CYP17A1: variants seen among roughly 807,000 people sequenced by gnomAD.
CYP17A1 encodes steroid 17-alpha-hydroxylase/17,20 lyase.
A neutral mutation model predicts 38.5 loss-of-function variants in CYP17A1; 27 were observed. That is an observed-to-expected ratio of 0.70 (90% CI 0.52 to 0.97). The LOEUF (loss-of-function observed/expected upper bound fraction) is 0.97, where lower values mean the gene tolerates loss of function less well. Among genes scored for constraint, CYP17A1 ranks in the 50% least tolerant of loss-of-function variants. The pLI is 0.00. For synonymous variants in CYP17A1, 263 were observed against 253.3 expected, an observed-to-expected ratio of 1.04 and a Z score of -0.36; for missense variants, 549 against 645.9, an observed-to-expected ratio of 0.85 and a Z score of 1.63.
chr10:102,831,918 G>C (rs1036961603), intron 6 of CYP17A1, among the ~76,000 whole-genome samples: 1 of 152,122 alleles, frequency 6.6e-6, no homozygotes, highest in African/African-American at 2.4e-5. Context: ...TTGGAACATG[G>C]AGCTCCCAGC....
chr10:102,834,938 G>A lies in CYP17A1; in HGVS notation c.513C>T (p.Val171=). 1 of 1,613,494 alleles carries A rather than the reference G, an allele frequency of 6.2e-7. No individual in the cohort carries two copies. The highest frequency in any genetic ancestry group is 1.3e-5 in the African/African-American group (1 of 75,022). Residue 171 remains valine, a synonymous_variant, in exon 3 of 8, where the codon GTC becomes GTT. Transcript: ENST00000369887. ...AGATGACATTGGTTACCGCCACGAAGACAGGAAAGGAGATGTCTATGGACT... is the reference window on the plus strand; with the variant it reads ...AGATGACATTGGTTACCGCCACGAAAACAGGAAAGGAGATGTCTATGGACT... The part of the protein sequence containing the change: ...NGQSIDISFP[V]FVAVTNVISL...
chr10:102,831,223 G>A (rs1343367376), intron 7 of CYP17A1, among the ~76,000 whole-genome samples: 2 of 152,248 alleles, frequency 1.3e-5, no homozygotes, highest in East Asian at 1.9e-4. Flanking sequence ...ATTAACCTAT[G>A]AAAATAGCAC....
chr10:102,832,656 TCTC>T lies in CYP17A1; in HGVS notation c.991_993del (p.Glu331del), dbSNP rs759060233. ...CGGCTGAAACCCACATTCTGGTCAA[TCTC>T]CTCGTAGAGCTTCTTCTTCACCTGA... On this transcript the variant is annotated inframe_deletion, in exon 6 of 8. Transcript: ENST00000369887. 3.1e-6 allele frequency: 5 copies of T among 1,608,076 alleles called. No individual in the cohort carries two copies. Among genetic ancestry groups the T allele is most frequent in the Non-Finnish European group, 4.3e-6 (5 of 1,174,488 alleles).
At chr10:102,833,252 C>T (rs999069505) in intron 4 of CYP17A1, 44 bp from the exon 5 acceptor site, 13 of 1,613,274 alleles carry the variant, frequency 8.1e-6, no homozygotes, top group East Asian at 2.2e-5. Flanking sequence ...GAAGGAGCCC[C>T]ATCTGTGACA....
At chr10:102,833,279 G>C in intron 4 of CYP17A1, 71 bp from the exon 5 acceptor site, 1 of 1,611,332 alleles carries the variant, frequency 6.2e-7, no homozygotes, top group Non-Finnish European at 8.5e-7. Context: ...CCATACTTCT[G>C]TCCCTGACTA....
chr10:102,834,188 T>C (rs1844128097), intron 3 of CYP17A1, 66 bp from the exon 4 acceptor site: 1 of 807,806 alleles, frequency 1.2e-6, no homozygotes, highest in African/African-American at 1.7e-5. Flanking sequence ...TGCCAGAGTC[T>C]CTCCTGGAGG....
At chr10:102,831,743 TC>T (rs1472903072) in intron 6 of CYP17A1, 132 bp from the exon 7 acceptor site, 5 of 1,493,604 alleles carry the variant, frequency 3.3e-6, no homozygotes, top group African/African-American at 2.8e-5. Flanking sequence ...ACTCATGTTT[TC>T]CTCAGCTTCT....
In CYP17A1 at chr10:102,833,850, C is replaced by G. The variant is rs866144857; in HGVS notation, c.753+186G>C. 5.4e-6 allele frequency: 3 copies of G among 556,590 alleles called. No homozygotes were observed. The Admixed American group carries it at 9.3e-5, about 17-fold the overall frequency. The allele number at this position is 556,590 out of a possible 1,614,324, so 34.5% of individuals were successfully genotyped here. ...CAATTGATCTGCCCACCTCGGCCTC[C>G]CAAAGTGTTGGGATTACAGGCGTGA... On this transcript the variant is annotated intron_variant, in intron 4 of 7. Coordinates refer to ENST00000369887, the MANE Select transcript of CYP17A1 (RefSeq NM_000102.4).
rs45528237 is a variant in CYP17A1, at chr10:102,831,166, C to T, written c.1244-181G>A. On this transcript the variant is annotated intron_variant, in intron 7 of 7. Transcript: ENST00000369887. ...AGCCCTGCTTTCAGGTAGCCCTTAA[C>T]GACACAGAGGAAATGAAATATTCAG... is the stretch of plus-strand genomic sequence containing the variant. Among the ~76,000 whole-genome samples the T allele has an allele frequency of 7.8e-3, 1,167 of 149,062 alleles. 16 individuals carry two copies. Among genetic ancestry groups the T allele is most frequent in the African/African-American group, 0.027 (1,114 of 40,826 alleles).
chr10:102,837,226 G>A lies in CYP17A1; in HGVS notation c.136C>T (p.His46Tyr), dbSNP rs894320518. The A allele has an allele frequency of 6.2e-6, 10 of 1,607,780 alleles. No individual in the cohort carries two copies. Among genetic ancestry groups the A allele is most frequent in the Non-Finnish European group, 8.5e-6 (10 of 1,174,354 alleles). ...AAGAAGTTGTTATGCATATGGCCGTGTCTGGGGAGGAATGGCAGGCTGCCC... is the reference window on the plus strand; with the variant it reads ...AAGAAGTTGTTATGCATATGGCCGTATCTGGGGAGGAATGGCAGGCTGCCC... ...LVGSLPFLPR[H>Y]GHMHNNFFKL... Residue 46 changes from histidine to tyrosine, a missense_variant, in exon 1 of 8, where the codon CAC becomes TAC. Around this residue, in one of 3 missense-constraint regions of CYP17A1, gnomAD observed 289 missense variants for 320.9 expected, o/e 0.90. Coordinates refer to ENST00000369887, the MANE Select transcript of CYP17A1 (RefSeq NM_000102.4).
chr10:102,831,666 GC>G, intron 6 of CYP17A1, 55 bp from the exon 7 acceptor site: 1 of 1,605,308 alleles, frequency 6.2e-7, no homozygotes, highest in African/African-American at 1.3e-5. Context: ...TCCCTTCCTT[GC>G]TCAGCCTCAT....
chr10:102,831,374 G>A (rs868677153), intron 7 of CYP17A1, 134 bp downstream of exon 7: 3 of 1,413,348 alleles, frequency 2.1e-6, no homozygotes, highest in Middle Eastern at 4.6e-4. Flanking sequence ...CAGGATGAGG[G>A]TGTCAACAGG....
intron 2 of CYP17A1, 42 bp from the exon 3 acceptor site, chr10:102,835,056 C>T (rs373613340): frequency 1.6e-6 from 2 of 1,275,062 alleles, no homozygotes; most frequent in Middle Eastern, 1.9e-4. Context: ...TGAATCAGCA[C>T]CCTTACCCCC....
In CYP17A1 at chr10:102,830,534, T is replaced by C. The variant is rs1844072559; in HGVS notation, c.*168A>G. 1 of 599,144 alleles carries C rather than the reference T, an allele frequency of 1.7e-6. No homozygotes were observed. Among genetic ancestry groups the C allele is most frequent in the African/African-American group, 1.9e-5 (1 of 53,178 alleles). The allele number at this position is 599,144 out of a possible 1,614,324, so 37.1% of individuals were successfully genotyped here. A position where few individuals can be genotyped will look rare whatever the true frequency, so the allele number is the denominator to read the frequency against. ...ATAAATGAACTACTCAGGGACCTTA[T>C]GGAAAAAAAAAAACTGTTTATGCAC... is the stretch of plus-strand genomic sequence containing the variant. On this transcript the variant is annotated 3_prime_UTR_variant, in exon 8 of 8. Transcript: ENST00000369887. The surrounding 1 kb of genome is among the most constrained non-coding windows in gnomAD (Gnocchi z 4.1).
Position 102,833,005 on chromosome 10 carries a change from C to T in CYP17A1, c.957G>A (p.Leu319=). Residue 319 remains leucine, a synonymous_variant, in exon 5 of 8, where the codon CTG becomes CTA. Transcript: ENST00000369887. ...SVVKWTLAFL[L]HNPQVKKKLY... Reference sequence around the variant, plus strand: ...GGGGGAAGCACACCTGAGGATTGTGCAGCAGGAAGGCCAGGGTCCATTTAA... The same window carrying T: ...GGGGGAAGCACACCTGAGGATTGTGTAGCAGGAAGGCCAGGGTCCATTTAA... The T allele has an allele frequency of 6.2e-7, 1 of 1,614,180 alleles. No individual in the cohort carries two copies. Among genetic ancestry groups the T allele is most frequent in the East Asian group, 2.2e-5 (1 of 44,880 alleles).
rs1844079011 is a variant in CYP17A1, at chr10:102,830,909, G to T, written c.1320C>A (p.Arg440=). ...GGGCCAGGATCTCACCTATACAGGA[G>T]CGAGGTCCTGCTCCGAAGGGCAAAT... ...VSYLPFGAGP[R]SCIGEILARQ... Residue 440 remains arginine, a synonymous_variant, in exon 8 of 8, where the codon CGC becomes CGA. Transcript: ENST00000369887. This position sits in a 1 kb window ranked among gnomAD's most constrained non-coding sequence, Gnocchi z 4.1. 2.5e-6 allele frequency: 4 copies of T among 1,572,502 alleles called. No individual in the cohort carries two copies. Among genetic ancestry groups the T allele is most frequent in the Non-Finnish European group, 2.6e-6 (3 of 1,153,706 alleles).
chr10:102,831,655 C>T (rs748246952), intron 6 of CYP17A1, 44 bp from the exon 7 acceptor site: 12 of 1,608,888 alleles, frequency 7.5e-6, no homozygotes, highest in South Asian at 6.6e-5. Context: ...GGACTTCGTA[C>T]TCCCTTCCTT....
intron 4 of CYP17A1, 88 bp downstream of exon 4, chr10:102,833,948 A>T: frequency 1.3e-6 from 1 of 768,758 alleles, no homozygotes; most frequent in South Asian, 1.4e-5. Context: ...CTTGGTTTTG[A>T]AGCTTCTACA....
Position 102,833,187 on chromosome 10 carries a change from T to G in CYP17A1, c.775A>C (p.Ile259Leu), listed in dbSNP as rs1194440789. 1 of 1,614,160 alleles carries G rather than the reference T, an allele frequency of 6.2e-7. No homozygotes were observed. Among genetic ancestry groups the G allele is most frequent in the Non-Finnish European group, 8.5e-7 (1 of 1,180,028 alleles). ...ATCAGTGTGTCCAGCATGTTGGTGA[T>G]AGAGTCACTCCGGAATTTCTCCTGG... ...NYKEKFRSDS[I>L]TNMLDTLMQA... The change falls in exon 5 of 8, where the codon ATC becomes CTC. Residue 259 changes from isoleucine to leucine, a missense_variant. Physicochemically the swap from Ile to Leu is conservative, Grantham distance 5 (BLOSUM62 2). Transcript: ENST00000369887.
Sources: allele counts gnomAD v4.1 joint callset (sites outside exome capture counted in the v4.1 genomes callset), GRCh38; gene constraint gnomAD v4.1.1; regional missense constraint gnomAD v4.1.1; non-coding constraint Gnocchi (gnomAD v3.1); transcripts MANE v1.5; gene names NCBI Gene and HGNC (gene_info 2026-07-23, HGNC 2026-07-21).